Variants in MSRA observed in about 807,000 individuals in gnomAD.
MSRA encodes the protein methionine sulfoxide reductase A, also known as mitochondrial peptide methionine sulfoxide reductase.
MSRA carries 54 observed loss-of-function variants against 31.3 expected under a neutral mutation model. The ratio of observed to expected loss-of-function variants is 1.73; its 90% CI spans 1.39 to 2.17. The LOEUF (loss-of-function observed/expected upper bound fraction) is 2.17. Ranked by LOEUF, MSRA falls within the 30% of genes most tolerant of loss-of-function variation. The pLI, the probability that MSRA is intolerant of heterozygous loss-of-function variation, is 0.00. For synonymous variants in MSRA, 169 were observed against 116.5 expected (o/e 1.45, Z -2.90); for missense variants, 507 against 300.9 (o/e 1.69, Z -5.07).
intron 1 of MSRA, among the ~76,000 whole-genome samples, chr8:10,105,725 G>GAA (rs1799836222): frequency 6.6e-6 from 1 of 152,170 alleles, no homozygotes; most frequent in Admixed American, 6.5e-5. Context: ...ACTTAATTGA[G>GAA]AAATGCACAC....
chr8:10,252,295 C>G (rs189674393), intron 3 of MSRA, among the ~76,000 whole-genome samples: 11 of 152,156 alleles, frequency 7.2e-5, no homozygotes, highest in African/African-American at 1.7e-4. Context: ...TTCTGCTCCT[C>G]TCAGTGAGGT....
chr8:10,289,394 A>G (rs1800111726), intron 3 of MSRA, among the ~76,000 whole-genome samples: 1 of 151,994 alleles, frequency 6.6e-6, no homozygotes, highest in South Asian at 2.1e-4. Flanking sequence ...GTGTATCAAG[A>G]TAGTGGGTAT....
In MSRA at chr8:10,186,494, G is replaced by GA. The variant is rs1487937741; in HGVS notation, c.143-21335dup. 3.9e-5 allele frequency among the ~76,000 whole-genome samples: 6 copies of GA among 152,260 alleles called. No individual in the cohort carries two copies. The South Asian group carries it at 8.3e-4, about 21-fold the overall frequency. Reference sequence around the variant, plus strand: ...TGGTTGTTCAGCCATTAAAATATATGAAAACCACTCTTAGCTCATAGGCTG... The same window carrying GA: ...TGGTTGTTCAGCCATTAAAATATATGAAAAACCACTCTTAGCTCATAGGCTG... On this transcript the variant is annotated intron_variant, in intron 1 of 5. Coordinates refer to ENST00000317173, the MANE Select transcript of MSRA (RefSeq NM_012331.5).
At chr8:10,385,958 T>TG (rs1806365163) in intron 5 of MSRA, among the ~76,000 whole-genome samples, 1 of 152,036 alleles carries the variant, frequency 6.6e-6, no homozygotes, top group African/African-American at 2.4e-5. Flanking sequence ...AAGAAAAAGG[T>TG]GGCTTTCTGG....
intron 5 of MSRA, among the ~76,000 whole-genome samples, chr8:10,324,848 T>C (rs1378743255): frequency 1.3e-5 from 2 of 152,178 alleles, no homozygotes; most frequent in African/African-American, 2.4e-5. Flanking sequence ...CGGGAGAAGA[T>C]GAGGAAGCAT....
intron 3 of MSRA, among the ~76,000 whole-genome samples, chr8:10,289,405 A>T (rs1445820140): frequency 6.6e-6 from 1 of 152,004 alleles, no homozygotes; most frequent in Non-Finnish European, 1.5e-5. Context: ...TAGTGGGTAT[A>T]TATATTTATG....
chr8:10,125,187 T>G (rs935675817), intron 1 of MSRA, among the ~76,000 whole-genome samples: 6 of 152,158 alleles, frequency 3.9e-5, no homozygotes, highest in Non-Finnish European at 8.8e-5. Flanking sequence ...GGTGCCTCAT[T>G]TGGGGAGTAG....
At chr8:10,331,468 C>G (rs1419329491) in intron 5 of MSRA, among the ~76,000 whole-genome samples, 5 of 152,190 alleles carry the variant, frequency 3.3e-5, no homozygotes, top group African/African-American at 1.2e-4. Context: ...CACACACAGG[C>G]TAGGGCAGGA....
At chr8:10,416,179 C>G (rs923279333) in intron 5 of MSRA, among the ~76,000 whole-genome samples, 1 of 152,170 alleles carries the variant, frequency 6.6e-6, no homozygotes, top group African/African-American at 2.4e-5. Context: ...GAGAGCACCT[C>G]GCGGGCAGGG....
chr8:10,093,214 A>T (rs573605701), intron 1 of MSRA, among the ~76,000 whole-genome samples: 2 of 152,274 alleles, frequency 1.3e-5, no homozygotes, highest in South Asian at 4.1e-4. Flanking sequence ...GATAGGATTT[A>T]CTTATGCTAT....
chr8:10,144,105 A>G (rs1318595830), intron 1 of MSRA, among the ~76,000 whole-genome samples: 2 of 152,268 alleles, frequency 1.3e-5, no homozygotes. Flanking sequence ...TAGTGACCGG[A>G]TTTAGCAGGG....
At position 10,325,467 on chromosome 8, in the gene MSRA, A is replaced by T. The variant is rs537012582; in HGVS notation, c.543+5478A>T. Among the ~76,000 whole-genome samples the T allele has an allele frequency of 2.0e-5, 3 of 152,210 alleles. No individual in the cohort carries two copies. In the South Asian group the frequency reaches 6.2e-4, roughly 32 times the overall value. ...AGTCATGTATAGATCTTAGGTGTTT[A>T]TCTGTGTACATATATTTGTTTAGCT... is the stretch of plus-strand genomic sequence containing the variant. On this transcript the variant is annotated intron_variant, in intron 5 of 5. Transcript: ENST00000317173.
At chr8:10,339,450 A>G (rs539750695) in intron 5 of MSRA, among the ~76,000 whole-genome samples, 20 of 151,622 alleles carry the variant, frequency 1.3e-4, no homozygotes, top group Middle Eastern at 3.4e-3. Flanking sequence ...AGTACAATGA[A>G]TTCAGTGTCT....
At chr8:10,144,430 A>C (rs1416839109) in intron 1 of MSRA, among the ~76,000 whole-genome samples, 1 of 152,176 alleles carries the variant, frequency 6.6e-6, no homozygotes, top group Non-Finnish European at 1.5e-5. Flanking sequence ...AGGATGACGT[A>C]AGTTAATATT....
At position 10,428,161 on chromosome 8, in the gene MSRA, A is replaced by C. The variant is rs773628716; in HGVS notation, c.557A>C (p.His186Pro). The C allele has an allele frequency of 6.2e-7, 1 of 1,612,750 alleles. No homozygotes were observed. Among genetic ancestry groups the C allele is most frequent in the South Asian group, 1.1e-5 (1 of 90,758 alleles). ...GTGTCCCCACAGGTTCTTTCAGAGCACGGCTTCGGCCCCATCACTACCGAC... is the reference window on the plus strand; with the variant it reads ...GTGTCCCCACAGGTTCTTTCAGAGCCCGGCTTCGGCCCCATCACTACCGAC... ...KENYQKVLSE[H>P]GFGPITTDIR... The change falls in exon 6 of 6, where the codon CAC becomes CCC. Residue 186 changes from histidine (H) to proline (P), a missense_variant. His to Pro is a moderately conservative substitution (Grantham distance 77). Coordinates refer to ENST00000317173, the MANE Select transcript of MSRA (RefSeq NM_012331.5).
chr8:10,059,492 T>A (rs1362771858), intron 1 of MSRA, among the ~76,000 whole-genome samples: 1 of 152,222 alleles, frequency 6.6e-6, no homozygotes, highest in African/African-American at 2.4e-5. Context: ...TATACTCTTT[T>A]TCCATTTAGG....
chr8:10,310,459 C>T (rs530092429), intron 4 of MSRA, among the ~76,000 whole-genome samples: 9 of 152,210 alleles, frequency 5.9e-5, no homozygotes, highest in African/African-American at 1.9e-4. Context: ...CTTTTAAATC[C>T]TTCTGTCATA....
chr8:10,225,022 C>T (rs1209617157), intron 2 of MSRA, among the ~76,000 whole-genome samples: 5 of 152,150 alleles, frequency 3.3e-5, no homozygotes, highest in East Asian at 3.9e-4. Context: ...CCTGTAATCC[C>T]AGCTACTCCA....
intron 5 of MSRA, among the ~76,000 whole-genome samples, chr8:10,376,074 G>T (rs1164178388): frequency 6.6e-6 from 1 of 152,106 alleles, no homozygotes; most frequent in Non-Finnish European, 1.5e-5. Context: ...AGCTTGATTT[G>T]GTTCAGCCTT....
Sources: gnomAD v4.1 joint callset for allele counts (sites outside exome capture counted in the v4.1 genomes callset) on GRCh38, gnomAD v4.1.1 for gene constraint, MANE v1.5 for transcripts, NCBI Gene and HGNC (gene_info 2026-07-23, HGNC 2026-07-21) for gene names.